HMCES: variants seen among roughly 807,000 people sequenced by gnomAD.
The protein encoded by HMCES is 5-hydroxymethylcytosine binding, ES cell specific, also known as abasic site processing protein HMCES.
HMCES carries 27 observed loss-of-function variants against 35.1 expected under a neutral mutation model. The ratio of observed to expected loss-of-function variants is 0.77; its 90% CI spans 0.57 to 1.06. The LOEUF is 1.06. Ranked by LOEUF, HMCES falls within the 50% of genes least tolerant of loss-of-function variation. The pLI is 0.00. For missense variants in HMCES, 391 were observed against 430.4 expected (o/e 0.91, Z 0.81); for synonymous variants, 130 against 154.7 (o/e 0.84, Z 1.18).
At chr3:129,285,115 T>C (rs1048762513) in intron 2 of HMCES, among the ~76,000 whole-genome samples, 4 of 152,190 alleles carry the variant, frequency 2.6e-5, no homozygotes, top group African/African-American at 9.7e-5. Flanking sequence ...GTACTTCTAC[T>C]TGGAACTCTG....
In HMCES at chr3:129,288,875, A is replaced by G; in HGVS notation, c.205A>G (p.Ile69Val). The G allele has an allele frequency of 6.3e-7, 1 of 1,575,364 alleles. No homozygotes were observed. The highest frequency in any genetic ancestry group is 8.7e-7 in the Non-Finnish European group (1 of 1,150,304). ...GCAGGATGCAGACTCATCTGAGCGTATCATTGCTCCCATGCGCTGGGGCTT... is the reference window on the plus strand; with the variant it reads ...GCAGGATGCAGACTCATCTGAGCGTGTCATTGCTCCCATGCGCTGGGGCTT... Reference protein sequence around the residue: ...FEKDADSSERIIAPMRWGLVP... With the variant: ...FEKDADSSERVIAPMRWGLVP... Residue 69 changes from isoleucine (I) to valine (V), a missense_variant, in exon 3 of 7, where the codon ATC (isoleucine) becomes GTC (valine). By Grantham distance (29) the Ile-to-Val change is conservative. Transcript: ENST00000383463.
chr3:129,287,249 G>A (rs1429284606), intron 2 of HMCES, among the ~76,000 whole-genome samples: 1 of 151,806 alleles, frequency 6.6e-6, no homozygotes, highest in Non-Finnish European at 1.5e-5. Flanking sequence ...TTGAGAGAAG[G>A]TCCTGCTCCG....
chr3:129,292,735 C>T (rs1476313659), intron 4 of HMCES, among the ~76,000 whole-genome samples: 4 of 151,988 alleles, frequency 2.6e-5, no homozygotes, highest in Admixed American at 6.6e-5. Flanking sequence ...CCACCCGCCT[C>T]GGCCTCCCAA....
At chr3:129,297,013 C>T (rs1319121650) in intron 4 of HMCES, among the ~76,000 whole-genome samples, 4 of 152,200 alleles carry the variant, frequency 2.6e-5, no homozygotes, top group African/African-American at 9.6e-5. Flanking sequence ...GCTGGGATGA[C>T]AGGCATGAGC....
At chr3:129,284,401 A>C (rs1271625845) in intron 2 of HMCES, among the ~76,000 whole-genome samples, 1 of 152,232 alleles carries the variant, frequency 6.6e-6, no homozygotes, top group Admixed American at 6.5e-5. Context: ...GTGTAAATGA[A>C]TTAAGAGTAA....
intron 4 of HMCES, among the ~76,000 whole-genome samples, chr3:129,291,745 A>G (rs76138148): frequency 0.067 from 10,135 of 152,230 alleles, 1,094 homozygotes; most frequent in African/African-American, 0.23. Context: ...GCTAGGTCAT[A>G]TTACAACTCT....
chr3:129,295,933 A>G (rs1364133793), intron 4 of HMCES, among the ~76,000 whole-genome samples: 5 of 151,428 alleles, frequency 3.3e-5, no homozygotes, highest in Non-Finnish European at 4.4e-5. Context: ...CTTCTGCCCC[A>G]TTTTCTCTTT....
chr3:129,305,595 C>A lies in HMCES; in HGVS notation c.*770C>A, dbSNP rs566760751. ...AGGACCAGTTTCTAGCAGTGTCGGG[C>A]CACTCCTCTTTCGAACATCCCTAAG... On this transcript the variant is annotated 3_prime_UTR_variant, in exon 7 of 7. Coordinates refer to ENST00000383463, the MANE Select transcript of HMCES (RefSeq NM_020187.3). 1.2e-4 allele frequency: 19 copies of A among 152,274 alleles called. No homozygotes were observed. The highest frequency in any genetic ancestry group is 4.2e-4 in the South Asian group (2 of 4,812). The allele number at this position is 152,274 out of a possible 1,614,324, so 9.4% of individuals were successfully genotyped here. A position where few individuals can be genotyped will look rare whatever the true frequency, so the allele number is the denominator to read the frequency against.
intron 4 of HMCES, among the ~76,000 whole-genome samples, chr3:129,291,226 A>G (rs1370720967): frequency 6.6e-6 from 1 of 152,236 alleles, no homozygotes; most frequent in Non-Finnish European, 1.5e-5. Context: ...ATGAAATGAA[A>G]TGAGCTCATT....
rs1416495449 is a variant in HMCES at position 129,304,822 on chromosome 3, G to A, written c.1062G>A (p.Gln354=). The A allele has an allele frequency of 6.2e-7, 1 of 1,613,542 alleles. No individual in the cohort carries two copies. ...CTGTGGCCAAGCGTCCTTACAGCCA[G>A]TGACACAGGACTTTCAGAGACCAAG... is the stretch of plus-strand genomic sequence containing the variant. ...EEPVAKRPYS[Q] is the part of the protein sequence containing the mutation. The change falls in exon 7 of 7, where the codon CAG becomes CAA. Residue 354 remains glutamine, a synonymous_variant. Coordinates refer to ENST00000383463, the MANE Select transcript of HMCES (RefSeq NM_020187.3).
intron 4 of HMCES, among the ~76,000 whole-genome samples, chr3:129,297,906 G>C (rs1407727601): frequency 6.6e-6 from 1 of 152,050 alleles, no homozygotes; most frequent in Non-Finnish European, 1.5e-5. Context: ...CTACATTTTA[G>C]TCCTTGAATT....
At chr3:129,281,190 C>G (rs1940471115) in intron 2 of HMCES, among the ~76,000 whole-genome samples, 2 of 151,884 alleles carry the variant, frequency 1.3e-5, no homozygotes, top group Admixed American at 6.6e-5. Flanking sequence ...CCACTGCACT[C>G]CAGCCTGGCG....
At chr3:129,299,190 T>G (rs2071130708) in intron 5 of HMCES, among the ~76,000 whole-genome samples, 1 of 152,154 alleles carries the variant, frequency 6.6e-6, no homozygotes, top group South Asian at 2.1e-4. Context: ...AATATGGCAC[T>G]TTACCTCGAC....
chr3:129,288,985 A>G lies in HMCES; in HGVS notation c.315A>G (p.Lys105=). ...TNCRSDTVME[K]RSFKVPLGKG... ...GTCGTAGTGATACCGTAATGGAGAAACGGTCATTTAAGGTAGGTGGCTGGT... is the reference window on the plus strand; with the variant it reads ...GTCGTAGTGATACCGTAATGGAGAAGCGGTCATTTAAGGTAGGTGGCTGGT... Residue 105 remains lysine (K), a synonymous_variant, in exon 3 of 7, where the codon AAA becomes AAG. Coordinates refer to ENST00000383463, the MANE Select transcript of HMCES (RefSeq NM_020187.3). 1 of 1,565,374 alleles carries G rather than the reference A, an allele frequency of 6.4e-7. No homozygotes were observed. The highest frequency in any genetic ancestry group is 8.7e-7 in the Non-Finnish European group (1 of 1,143,076).
intron 2 of HMCES, among the ~76,000 whole-genome samples, chr3:129,287,275 T>C (rs1940664325): frequency 6.6e-6 from 1 of 151,896 alleles, no homozygotes; most frequent in Admixed American, 6.6e-5. Context: ...CAGGTTGGAG[T>C]GCAGTGGCTC....
chr3:129,290,819 AT>A lies in HMCES; in HGVS notation c.453+17del, dbSNP rs1332002621. ...AGACAGAGAAGGTATCATTATCAGC[AT>A]TCACAATATATATTTGGAAAGGCAC... is the stretch of plus-strand genomic sequence containing the variant. On this transcript the variant is annotated intron_variant, in intron 4 of 6. Coordinates refer to ENST00000383463, the MANE Select transcript of HMCES (RefSeq NM_020187.3). The A allele has an allele frequency of 6.2e-7, 1 of 1,607,874 alleles. No individual in the cohort carries two copies.
chr3:129,288,159 C>T (rs537877056), intron 2 of HMCES, among the ~76,000 whole-genome samples: 14 of 152,190 alleles, frequency 9.2e-5, no homozygotes, highest in Non-Finnish European at 1.8e-4. Context: ...CCTGTAGTCC[C>T]AGCTACTTGG....
intron 2 of HMCES, among the ~76,000 whole-genome samples, chr3:129,284,107 C>T (rs1940567992): frequency 1.3e-5 from 2 of 152,198 alleles, no homozygotes; most frequent in Admixed American, 1.3e-4. Flanking sequence ...GGTGCACATA[C>T]AGAGAGCTGA....
chr3:129,291,444 C>T (rs575603198), intron 4 of HMCES, among the ~76,000 whole-genome samples: 1 of 152,270 alleles, frequency 6.6e-6, no homozygotes, highest in Admixed American at 6.5e-5. Flanking sequence ...TCTGGATTTG[C>T]CTATTTTGGA....
Sources: allele counts gnomAD v4.1 joint callset (sites outside exome capture counted in the v4.1 genomes callset), GRCh38; gene constraint gnomAD v4.1.1; transcripts MANE v1.5; gene names NCBI Gene and HGNC (gene_info 2026-07-23, HGNC 2026-07-21).